ZNF362: variants seen among roughly 807,000 people sequenced by gnomAD.
ZNF362 encodes zinc finger protein 362, also known as rotund homolog.
ZNF362 carries 11 observed loss-of-function variants against 42.9 expected under a neutral mutation model. The ratio of observed to expected loss-of-function variants is 0.26; its 90% confidence interval spans 0.16 to 0.42. The LOEUF is 0.42. Among genes scored for constraint, ZNF362 ranks in the 20% least tolerant of loss-of-function variants. The probability of loss-of-function intolerance (pLI) is 1.00; values close to 1 mark genes in which losing one functional copy is unlikely to be tolerated. For synonymous variants in ZNF362, 255 were observed against 257.3 expected, an observed-to-expected ratio of 0.99 and a Z score of 0.09; for missense variants, 362 against 576.2, an observed-to-expected ratio of 0.63 and a Z score of 3.81.
At chr1:33,298,702 AG>A (rs1646141972) in intron 8 of ZNF362, among the ~76,000 whole-genome samples, 1 of 152,210 alleles carries the variant, frequency 6.6e-6, no homozygotes, top group Non-Finnish European at 1.5e-5. Context: ...GGAGAGCCAC[AG>A]GTGGGCATTG....
chr1:33,294,843 C>A lies in ZNF362; in HGVS notation c.909-94C>A. The A allele has an allele frequency of 7.1e-7, 1 of 1,408,220 alleles. No homozygotes were observed. The highest frequency in any genetic ancestry group is 1.0e-6 in the Non-Finnish European group (1 of 1,004,384). 87.2% of individuals were successfully genotyped at this position (1,408,220 alleles called of 1,614,324 possible). Reference sequence around the variant, plus strand: ...TGGGGAGCATGGGCAGGGTAGGGACCGAGAGGCTTAGGGGCCAGAGTAAGG... The same window carrying A: ...TGGGGAGCATGGGCAGGGTAGGGACAGAGAGGCTTAGGGGCCAGAGTAAGG... On this transcript the variant is annotated intron_variant, in intron 6 of 8. Transcript: ENST00000539719. This position sits in a 1 kb window ranked among gnomAD's most constrained non-coding sequence, Gnocchi z 4.2.
chr1:33,160,643 G>T, the ZNF362 span, among the ~76,000 whole-genome samples: 3 of 152,112 alleles, frequency 2.0e-5, no homozygotes, highest in Admixed American at 2.0e-4. Flanking sequence ...GACGTTAGGT[G>T]ATCTGCCCAC....
At chr1:33,178,547 G>C in the ZNF362 span, among the ~76,000 whole-genome samples, 1 of 152,242 alleles carries the variant, frequency 6.6e-6, no homozygotes, top group South Asian at 2.1e-4. Flanking sequence ...GAAAAGGTGG[G>C]CTGTATGTTA....
chr1:33,200,578 C>T, the ZNF362 span, among the ~76,000 whole-genome samples: 1 of 152,116 alleles, frequency 6.6e-6, no homozygotes, highest in Middle Eastern at 3.4e-3. Flanking sequence ...ATATAAGATA[C>T]AAACAGGTTA....
the ZNF362 span, among the ~76,000 whole-genome samples, chr1:33,196,396 G>GCAAA: frequency 3.8e-3 from 585 of 152,036 alleles, 5 homozygotes; most frequent in African/African-American, 0.013. Flanking sequence ...AAACAAACAA[G>GCAAA]CAAACAAACA....
At chr1:33,193,311 G>A in the ZNF362 span, among the ~76,000 whole-genome samples, 370 of 152,240 alleles carry the variant, frequency 2.4e-3, 5 homozygotes, top group African/African-American at 8.6e-3. Flanking sequence ...ATGTTTGGGG[G>A]AACCCTAGCT....
the ZNF362 span, among the ~76,000 whole-genome samples, chr1:33,240,843 G>A: frequency 2.0e-5 from 3 of 152,280 alleles, no homozygotes; most frequent in African/African-American, 2.4e-5. Flanking sequence ...TCCCCCATGC[G>A]TGACACTTTA....
At chr1:33,243,746 A>G in the ZNF362 span, among the ~76,000 whole-genome samples, 2 of 146,342 alleles carry the variant, frequency 1.4e-5, no homozygotes, top group Non-Finnish European at 3.0e-5. Flanking sequence ...ACAGGCGCCC[A>G]CCACTACAAC....
chr1:33,262,528 C>T (rs374202455), intron 1 of ZNF362, among the ~76,000 whole-genome samples: 16 of 151,914 alleles, frequency 1.1e-4, no homozygotes, highest in African/African-American at 3.4e-4. Flanking sequence ...AGGATGGTCT[C>T]GATCTCCTGA....
chr1:33,276,809 C>A lies in ZNF362; in HGVS notation c.349+215C>A, dbSNP rs186880113. On this transcript the variant is annotated intron_variant, in intron 4 of 8. Transcript: ENST00000539719. ...CAGTACTGGAAGGACCCTTCTCCCC[C>A]CAGTGGACACGACAGGAGCCGGTCA... Among the ~76,000 whole-genome samples the A allele has an allele frequency of 3.7e-3, 564 of 152,374 alleles. 5 individuals carry two copies. Among genetic ancestry groups the A allele is most frequent in the African/African-American group, 0.013 (528 of 41,586 alleles).
the ZNF362 span, among the ~76,000 whole-genome samples, chr1:33,228,473 C>G: frequency 6.6e-6 from 1 of 152,184 alleles, no homozygotes; most frequent in Admixed American, 6.5e-5. Flanking sequence ...ATCTCAAACT[C>G]AACATATCCA....
At chr1:33,180,146 G>A in the ZNF362 span, among the ~76,000 whole-genome samples, 5 of 152,078 alleles carry the variant, frequency 3.3e-5, no homozygotes. Context: ...ACTATGCTCA[G>A]GTCACTCTGC....
the ZNF362 span, among the ~76,000 whole-genome samples, chr1:33,250,755 AAAAGAAG>A: frequency 6.6e-6 from 1 of 151,420 alleles, no homozygotes; most frequent in African/African-American, 2.4e-5. Context: ...TGAAGAAAAA[AAAAGAAG>A]AAAGAAGAAG....
At chr1:33,263,511 A>C (rs554145831) in intron 1 of ZNF362, among the ~76,000 whole-genome samples, 69 of 152,128 alleles carry the variant, frequency 4.5e-4, no homozygotes, top group African/African-American at 1.5e-3. Flanking sequence ...TCCAGGCTTA[A>C]GCAATTCTCC....
At position 33,276,574 on chromosome 1, in the gene ZNF362, C is replaced by T. The variant is rs746130066; in HGVS notation, c.329C>T (p.Pro110Leu). 5 of 1,376,830 alleles carry T rather than the reference C, an allele frequency of 3.6e-6. No individual in the cohort carries two copies. The highest frequency in any genetic ancestry group is 4.7e-6 in the Non-Finnish European group (5 of 1,071,456). The allele number at this position is 1,376,830 out of a possible 1,614,324, so 85.3% of individuals were successfully genotyped here. Residue 110 changes from proline to leucine, a missense_variant, in exon 4 of 9, where the codon CCG (proline) becomes CTG (leucine). Pro to Leu is a moderately conservative substitution (Grantham distance 98, BLOSUM62 -3). This residue lies in a region of ZNF362 where 266 missense variants were observed against 365.4 expected (regional missense o/e 0.73). Transcript: ENST00000539719. ...CCCGACGTGGCGCTGCACGCACGGC[C>T]GGCCACCAGCACCGTCACAGGTAGG... ...PQPDVALHAR[P>L]ATSTVTGLGL...
chr1:33,238,765 G>A, the ZNF362 span, among the ~76,000 whole-genome samples: 1 of 151,964 alleles, frequency 6.6e-6, no homozygotes, highest in African/African-American at 2.4e-5. Flanking sequence ...CTTATGAGAG[G>A]AGGAAGAGAC....
the ZNF362 span, among the ~76,000 whole-genome samples, chr1:33,180,000 G>C: frequency 6.6e-6 from 1 of 152,154 alleles, no homozygotes; most frequent in Non-Finnish European, 1.5e-5. Context: ...TTGTTTGTTT[G>C]TTTGTTTGTT....
intron 4 of ZNF362, among the ~76,000 whole-genome samples, chr1:33,277,756 C>T (rs1029690622): frequency 2.6e-5 from 4 of 152,116 alleles, no homozygotes; most frequent in African/African-American, 9.7e-5. Flanking sequence ...ATGGAATCCC[C>T]GGAGAAAGAA....
At chr1:33,213,643 G>A in the ZNF362 span, among the ~76,000 whole-genome samples, 1 of 152,014 alleles carries the variant, frequency 6.6e-6, no homozygotes, top group Non-Finnish European at 1.5e-5. Flanking sequence ...TCAAGAGATC[G>A]AGACCATCCT....
Sources: gnomAD v4.1 joint callset for allele counts (sites outside exome capture counted in the v4.1 genomes callset) on GRCh38, gnomAD v4.1.1 for gene constraint, gnomAD v4.1.1 regional missense constraint, Gnocchi (gnomAD v3.1) non-coding constraint, MANE v1.5 for transcripts, NCBI Gene and HGNC (gene_info 2026-07-23, HGNC 2026-07-21) for gene names.